MYT1L: variants seen among roughly 807,000 people sequenced by gnomAD.
The protein encoded by MYT1L is myelin transcription factor 1-like protein.
MYT1L carries 12 observed loss-of-function variants against 126.7 expected under a neutral mutation model. The observed-to-expected ratio is 0.09, with a 90% CI of 0.06 to 0.15. MYT1L has a LOEUF of 0.15. Ranked by LOEUF, MYT1L falls within the 10% of genes least tolerant of loss-of-function variation. The probability of loss-of-function intolerance (pLI) is 1.00; values close to 1 mark genes in which losing one functional copy is unlikely to be tolerated. For missense variants in MYT1L, 979 were observed against 1,585.2 expected, an observed-to-expected ratio of 0.62 and a Z score of 6.49; for synonymous variants, 541 against 604.2, an observed-to-expected ratio of 0.90 and a Z score of 1.53.
intron 19 of MYT1L, chr2:1,841,535 G>C (rs776937807): frequency 9.8e-5 from 15 of 152,310 alleles, no homozygotes; most frequent in African/African-American, 3.4e-4. Flanking sequence ...TCTAGGCACC[G>C]TCAGTCCCCT....
chr2:2,329,664 G>C (rs1276289109), intron 1 of MYT1L, among the ~76,000 whole-genome samples: 1 of 152,136 alleles, frequency 6.6e-6, no homozygotes, highest in Non-Finnish European at 1.5e-5. Context: ...TTTATGAAAA[G>C]TGTATGATAG....
At chr2:2,050,715 G>A (rs755845033) in intron 4 of MYT1L, among the ~76,000 whole-genome samples, 1 of 152,200 alleles carries the variant, frequency 6.6e-6, no homozygotes, top group Non-Finnish European at 1.5e-5. Flanking sequence ...GGTAGGGGGA[G>A]CACTGCAGGG....
At chr2:1,813,086 G>A (rs936659364) in intron 21 of MYT1L, among the ~76,000 whole-genome samples, 2 of 152,076 alleles carry the variant, frequency 1.3e-5, no homozygotes, top group Non-Finnish European at 1.5e-5. Context: ...TTCCCCCGCT[G>A]AACCTCTCTG....
At chr2:1,903,394 G>T in intron 13 of MYT1L, 100 bp from the exon 14 acceptor site, 1 of 958,820 alleles carries the variant, frequency 1.0e-6, no homozygotes, top group Non-Finnish European at 1.6e-6. Flanking sequence ...TTTTAAATGT[G>T]TTAAACAATC....
At chr2:1,967,667 C>T (rs1449922374) in intron 8 of MYT1L, among the ~76,000 whole-genome samples, 1 of 152,206 alleles carries the variant, frequency 6.6e-6, no homozygotes, top group East Asian at 1.9e-4. Flanking sequence ...GCAGCAGGGA[C>T]TTCAGGCCTG....
chr2:1,852,091 T>G lies in MYT1L; in HGVS notation c.2712-388A>C, dbSNP rs1225365512. Among the ~76,000 whole-genome samples the G allele has an allele frequency of 6.6e-6, 1 of 152,148 alleles. No homozygotes were observed. Among genetic ancestry groups the G allele is most frequent in the Non-Finnish European group, 1.5e-5 (1 of 68,024 alleles). On this transcript the variant is annotated intron_variant, in intron 18 of 24. Transcript: ENST00000647738. The surrounding 1 kb of genome is among the most constrained non-coding windows in gnomAD (Gnocchi z 4.0). ...CCACGTGGGAAGCAAGGCTCACACATGAACAGACATGCCCTGGGGTCTGAG... is the reference window on the plus strand; with the variant it reads ...CCACGTGGGAAGCAAGGCTCACACAGGAACAGACATGCCCTGGGGTCTGAG...
At chr2:2,241,790 T>C (rs961738569) in intron 2 of MYT1L, among the ~76,000 whole-genome samples, 2 of 152,200 alleles carry the variant, frequency 1.3e-5, no homozygotes, top group Admixed American at 1.3e-4. Context: ...TTCTACGACA[T>C]GGCTGGATGT....
chr2:1,912,137 G>A lies in MYT1L; in HGVS notation c.1619-27C>T, dbSNP rs1360469908. 6.6e-7 allele frequency: 1 copy of A among 1,523,006 alleles called. No individual in the cohort carries two copies. The highest frequency in any genetic ancestry group is 9.0e-7 in the Non-Finnish European group (1 of 1,112,694). 94.3% of individuals were successfully genotyped at this position (1,523,006 alleles called of 1,614,324 possible). A position where few individuals can be genotyped will look rare whatever the true frequency, so the allele number is the denominator to read the frequency against. On this transcript the variant is annotated intron_variant, in intron 11 of 24. Transcript: ENST00000647738. The surrounding 1 kb of genome is among the most constrained non-coding windows in gnomAD (Gnocchi z 4.3). Reference sequence around the variant, plus strand: ...TTGACAGGGAGAGGCAAAGAGAACAGCCAGTGTTAAAACAGAGGCACGGTT... The same window carrying A: ...TTGACAGGGAGAGGCAAAGAGAACAACCAGTGTTAAAACAGAGGCACGGTT...
At position 1,910,147 on chromosome 2, in the gene MYT1L, G is replaced by T; in HGVS notation, c.1817+93C>A. On this transcript the variant is annotated intron_variant, in intron 13 of 24. Coordinates refer to ENST00000647738, the MANE Select transcript of MYT1L (RefSeq NM_001303052.2). This position sits in a 1 kb window ranked among gnomAD's most constrained non-coding sequence, Gnocchi z 4.8. Reference sequence around the variant, plus strand: ...CCCTCCAGTCCCTGCCCCTGCTGCTGTAGGGACATGCCCTGAGCGGGTGTC... The same window carrying T: ...CCCTCCAGTCCCTGCCCCTGCTGCTTTAGGGACATGCCCTGAGCGGGTGTC... The T allele has an allele frequency of 1.7e-6, 2 of 1,169,118 alleles. No homozygotes were observed. Among genetic ancestry groups the T allele is most frequent in the Non-Finnish European group, 1.2e-6 (1 of 810,204 alleles). The allele number at this position is 1,169,118 out of a possible 1,614,324, so 72.4% of individuals were successfully genotyped here.
chr2:2,122,310 C>G (rs984171104), intron 3 of MYT1L, among the ~76,000 whole-genome samples: 1 of 152,122 alleles, frequency 6.6e-6, no homozygotes, highest in African/African-American at 2.4e-5. Context: ...CACTGCAGCC[C>G]CTCTCTCCTG....
chr2:1,794,244 C>T (rs950861077), intron 23 of MYT1L, among the ~76,000 whole-genome samples: 1 of 152,220 alleles, frequency 6.6e-6, no homozygotes, highest in African/African-American at 2.4e-5. Flanking sequence ...TCAGGGAACC[C>T]TGCAGAGGCC....
At chr2:1,851,107 G>T (rs968960686) in intron 19 of MYT1L, among the ~76,000 whole-genome samples, 1 of 152,078 alleles carries the variant, frequency 6.6e-6, no homozygotes, top group African/African-American at 2.4e-5. Context: ...TAGAATTTTT[G>T]TTATCTCACA....
chr2:2,211,171 G>C (rs1337317277), intron 2 of MYT1L, among the ~76,000 whole-genome samples: 1 of 152,144 alleles, frequency 6.6e-6, no homozygotes, highest in African/African-American at 2.4e-5. Context: ...CTGCAAATAG[G>C]TATAATTGCT....
At chr2:2,234,282 T>C (rs1004716207) in intron 2 of MYT1L, among the ~76,000 whole-genome samples, 2 of 152,242 alleles carry the variant, frequency 1.3e-5, no homozygotes, top group Non-Finnish European at 2.9e-5. Context: ...TTCACACTTG[T>C]CTTGGCTTTC....
chr2:2,287,233 CAACAAGAGCG>C (rs1322850461), intron 1 of MYT1L, among the ~76,000 whole-genome samples: 4 of 151,222 alleles, frequency 2.6e-5, no homozygotes, highest in African/African-American at 9.7e-5. Flanking sequence ...CCAACCTGGG[CAACAAGAGCG>C]AAACTCCGTC....
Position 2,026,080 on chromosome 2 carries a change from T to C in MYT1L, c.-158+27898A>G, listed in dbSNP as rs190557098. 6.1e-4 allele frequency among the ~76,000 whole-genome samples: 93 copies of C among 152,318 alleles called. 2 individuals are homozygous for C. The East Asian group carries it at 0.016, about 26-fold the overall frequency. The stretch of plus-strand genomic sequence containing the variant: ...CAGACTTTCCCTCAGTACCACCATG[T>C]GCCATGCTCTAGTTAGGGGTCTAGG... On this transcript the variant is annotated intron_variant, in intron 4 of 24. Coordinates refer to ENST00000647738, the MANE Select transcript of MYT1L (RefSeq NM_001303052.2).
At chr2:1,939,294 A>G (rs1287614110) in intron 9 of MYT1L, among the ~76,000 whole-genome samples, 1 of 152,204 alleles carries the variant, frequency 6.6e-6, no homozygotes, top group South Asian at 2.1e-4. Flanking sequence ...TTGCTGGCCC[A>G]GGGACATAGC....
chr2:1,907,641 G>C (rs1558353929), intron 13 of MYT1L, among the ~76,000 whole-genome samples: 1 of 152,248 alleles, frequency 6.6e-6, no homozygotes, highest in Non-Finnish European at 1.5e-5. Flanking sequence ...TATAGACTTG[G>C]CCAGGATTGG....
At chr2:2,077,044 T>C (rs1322014025) in intron 3 of MYT1L, among the ~76,000 whole-genome samples, 3 of 152,164 alleles carry the variant, frequency 2.0e-5, no homozygotes, top group Non-Finnish European at 2.9e-5. Flanking sequence ...AGTTGAAATA[T>C]TCAATAACTG....
Sources: gnomAD v4.1 joint callset for allele counts (sites outside exome capture counted in the v4.1 genomes callset) on GRCh38, gnomAD v4.1.1 for gene constraint, Gnocchi (gnomAD v3.1) non-coding constraint, MANE v1.5 for transcripts, NCBI Gene and HGNC (gene_info 2026-07-23, HGNC 2026-07-21) for gene names.